The following NBPF14 variants were observed in gnomAD, a reference collection of about 807,000 sequenced individuals.
NBPF14 encodes the protein NBPF family member NBPF14.
Under a neutral mutation model 91.2 loss-of-function variants are expected in NBPF14, and 104 were observed. The ratio of observed to expected loss-of-function variants is 1.14; its 90% CI spans 0.97 to 1.34. The LOEUF is 1.34. Among genes scored for constraint, NBPF14 ranks in the 40% most tolerant of loss-of-function variants. The pLI is 0.00. For missense variants in NBPF14, 908 were observed against 783.0 expected (o/e 1.16, Z -1.91); for synonymous variants, 294 against 303.8 (o/e 0.97, Z 0.34).
intron 70 of NBPF14, among the ~76,000 whole-genome samples, 194 bp from the exon 71 acceptor site, chr1:148,533,442 G>A (rs1157485853): frequency 6.6e-6 from 1 of 150,738 alleles, no homozygotes; most frequent in Non-Finnish European, 1.5e-5. Flanking sequence ...GAAAGAGAAA[G>A]ACAGAGAGAG....
At chr1:148,533,709 A>C (rs1208178160) in intron 70 of NBPF14, among the ~76,000 whole-genome samples, 152 bp downstream of exon 70, 2 of 151,084 alleles carry the variant, frequency 1.3e-5, no homozygotes, top group African/African-American at 4.9e-5. Flanking sequence ...ATGGAAACCT[A>C]AACATCTACT....
At position 148,590,321 on chromosome 1, in the gene NBPF14, T is replaced by C. The variant is rs1217017515; in HGVS notation, c.778+436A>G. ...ATCCACCCGCCTCGGCCTCCCAAAG[T>C]GCTCGGATTACAGGTGTGACCCACT... On this transcript the variant is annotated intron_variant, in intron 6 of 70. Transcript: ENST00000619423. Among the ~76,000 whole-genome samples the C allele has an allele frequency of 1.4e-5, 2 of 143,698 alleles. 1 individual carries two copies. The highest frequency in any genetic ancestry group is 5.0e-5 in the African/African-American group (2 of 39,644). 94.3% of individuals were successfully genotyped at this position (143,698 alleles called of 152,430 possible).
chr1:148,585,237 C>T, intron 9 of NBPF14, 24 bp from the exon 10 acceptor site: 3 of 1,590,216 alleles, frequency 1.9e-6, no homozygotes, highest in Non-Finnish European at 1.7e-6. Flanking sequence ...AGTGTTCGTT[C>T]AGGTATTTCC....
chr1:148,534,900 G>C (rs782228708), intron 68 of NBPF14, 44 bp from the exon 69 acceptor site: 50 of 717,596 alleles, frequency 7.0e-5, no homozygotes, highest in Middle Eastern at 3.7e-4. Flanking sequence ...GGGGGAATCA[G>C]AAACCACACA....
rs1382468864 is a variant in NBPF14, at chr1:148,595,176, A to T, written c.175+367T>A. ...AACTTGAACTGAATAAAAGTTCACTAGTCCTAGACATTTAGAACAACAGAC... is the reference window on the plus strand; with the variant it reads ...AACTTGAACTGAATAAAAGTTCACTTGTCCTAGACATTTAGAACAACAGAC... On this transcript the variant is annotated intron_variant, in intron 2 of 70. Transcript: ENST00000619423. 1.4e-5 allele frequency among the ~76,000 whole-genome samples: 2 copies of T among 146,846 alleles called. 1 individual carries two copies. The highest frequency in any genetic ancestry group is 3.0e-5 in the Non-Finnish European group (2 of 65,864).
exon 15 of NBPF14, chr1:148,577,326 C>T (rs1553336047): frequency 0.011 from 6,827 of 612,346 alleles, 71 homozygotes; most frequent in Non-Finnish European, 0.014. Flanking sequence ...GACTTCAGGC[C>T]CTTTCTCATC....
chr1:148,559,874 G>C (rs1271140063), exon 37 of NBPF14: 4 of 1,416,010 alleles, frequency 2.8e-6, no homozygotes, highest in African/African-American at 2.0e-5. Context: ...GAGTCAGTCA[G>C]TTCAAGACAA....
At position 148,593,444 on chromosome 1, in the gene NBPF14, T is replaced by A. The variant is rs1292122945; in HGVS notation, c.278+154A>T. Among the ~76,000 whole-genome samples, 4 of 147,484 alleles carry A rather than the reference T, an allele frequency of 2.7e-5. No individual in the cohort carries two copies. The South Asian group carries it at 8.9e-4, about 33-fold the overall frequency. Reference sequence around the variant, plus strand: ...GCAACAGAGAACTTATTATTATCCTTGTTCTCTGATAAATATTTTTGTGTC... The same window carrying A: ...GCAACAGAGAACTTATTATTATCCTAGTTCTCTGATAAATATTTTTGTGTC... On this transcript the variant is annotated intron_variant, in intron 3 of 70. Transcript: ENST00000619423.
At chr1:148,560,163 G>C (rs1348833124) in intron 36 of NBPF14, among the ~76,000 whole-genome samples, 198 bp from the exon 37 acceptor site, 485 of 147,306 alleles carry the variant, frequency 3.3e-3, no homozygotes, top group African/African-American at 8.4e-3. Flanking sequence ...GACAGAGAGA[G>C]AGAGACAGAG....
chr1:148,587,105 G>C (rs1661667083), intron 8 of NBPF14, among the ~76,000 whole-genome samples, 196 bp downstream of exon 8: 1 of 148,280 alleles, frequency 6.7e-6, no homozygotes, highest in Non-Finnish European at 1.5e-5. Flanking sequence ...GAGAAAACAA[G>C]GCTCTGAGAA....
intron 34 of NBPF14, among the ~76,000 whole-genome samples, 195 bp from the exon 35 acceptor site, chr1:148,561,774 T>C (rs1369660639): frequency 4.5e-4 from 27 of 60,324 alleles, no homozygotes; most frequent in African/African-American, 2.3e-3. Context: ...GAAAGACAGA[T>C]AGACACACAC....
chr1:148,534,990 A>G (rs1241451969), intron 68 of NBPF14, 134 bp from the exon 69 acceptor site: 1 of 718,894 alleles, frequency 1.4e-6, no homozygotes, highest in Non-Finnish European at 2.6e-6. Context: ...GTAACGAATT[A>G]TTGCCTTTAT....
Position 148,566,347 on chromosome 1 carries a change from C to T in NBPF14, c.3543-32G>A, listed in dbSNP as rs1334784947. The T allele has an allele frequency of 1.9e-5, 14 of 752,184 alleles. 2 individuals are homozygous for T. The highest frequency in any genetic ancestry group is 3.8e-5 in the African/African-American group (2 of 52,424). 46.6% of individuals were successfully genotyped at this position (752,184 alleles called of 1,614,324 possible). A position where few individuals can be genotyped will look rare whatever the true frequency, so the allele number is the denominator to read the frequency against. The stretch of plus-strand genomic sequence containing the variant: ...AAGGAGGAAAAGGTAAAGAATAAGC[C>T]AGGGGAAATCAGACACAACAGAGCC... On this transcript the variant is annotated intron_variant, in intron 28 of 70. Transcript: ENST00000619423.
intron 68 of NBPF14, among the ~76,000 whole-genome samples, 156 bp from the exon 69 acceptor site, chr1:148,535,012 C>T (rs1426887407): frequency 1.4e-5 from 2 of 146,900 alleles, no homozygotes; most frequent in Non-Finnish European, 3.0e-5. Flanking sequence ...TTGGGATAGA[C>T]CAGGGCCAGG....
intron 13 of NBPF14, among the ~76,000 whole-genome samples, chr1:148,578,519 G>T (rs1236710697): frequency 5.0e-4 from 46 of 91,858 alleles, no homozygotes; most frequent in Non-Finnish European, 4.7e-4. Context: ...TGAAAAGTCA[G>T]CCATTTATCT....
At chr1:148,580,797 A>G (rs1660783465) in intron 12 of NBPF14, among the ~76,000 whole-genome samples, 2 of 61,126 alleles carry the variant, frequency 3.3e-5, no homozygotes, top group East Asian at 5.6e-4. Flanking sequence ...AATATTCAAC[A>G]TTCTTTTTTT....
At chr1:148,577,403 C>A (rs1660023315) in intron 14 of NBPF14, 48 bp from the exon 15 acceptor site, 1 of 650,730 alleles carries the variant, frequency 1.5e-6, no homozygotes, top group Admixed American at 2.2e-5. Flanking sequence ...GAATCAGAAA[C>A]CACACAGCCC....
intron 43 of NBPF14, among the ~76,000 whole-genome samples, chr1:148,554,652 G>GC (rs1656397637): frequency 6.8e-6 from 1 of 146,238 alleles, no homozygotes; most frequent in African/African-American, 2.6e-5. Flanking sequence ...TAAAGCAAAT[G>GC]CCCCCAAATG....
exon 29 of NBPF14, chr1:148,566,197 T>C: frequency 1.8e-6 from 1 of 563,534 alleles, no homozygotes; most frequent in Non-Finnish European, 3.1e-6. Context: ...TAAAAGGAAC[T>C]TCCATAGGGC....
Sources: allele counts gnomAD v4.1 joint callset (sites outside exome capture counted in the v4.1 genomes callset), GRCh38; gene constraint gnomAD v4.1.1; transcripts MANE v1.5; gene names NCBI Gene and HGNC (gene_info 2026-07-23, HGNC 2026-07-21).